TP53BP1: variants seen among roughly 807,000 people sequenced by gnomAD.
TP53BP1 encodes TP53-binding protein 1.
A neutral mutation model predicts 200.8 loss-of-function variants in TP53BP1; 61 were observed. The ratio of observed to expected loss-of-function variants is 0.30; its 90% CI spans 0.25 to 0.38. The LOEUF (loss-of-function observed/expected upper bound fraction) is 0.38. TP53BP1 is among the 10% of genes least tolerant of loss of function. The pLI is 1.00. For missense variants in TP53BP1, 2,144 were observed against 2,371.9 expected, an observed-to-expected ratio of 0.90 and a Z score of 2.00; for synonymous variants, 822 against 844.3, an observed-to-expected ratio of 0.97 and a Z score of 0.46.
intron 8 of TP53BP1, among the ~76,000 whole-genome samples, chr15:43,476,154 A>G (rs1261953793): frequency 6.6e-6 from 1 of 152,216 alleles, no homozygotes; most frequent in East Asian, 1.9e-4. Context: ...AATCCCAGCT[A>G]CTTGGAAGGC....
intron 1 of TP53BP1, among the ~76,000 whole-genome samples, chr15:43,510,125 C>T (rs904329487): frequency 8.2e-5 from 11 of 134,656 alleles, no homozygotes; most frequent in African/African-American, 3.2e-4. Context: ...CTGTCAACCC[C>T]TTCTTTGGTG....
At chr15:43,494,400 C>T (rs2079167006), upstream of TP53BP1, among the ~76,000 whole-genome samples, 1 of 152,158 alleles carries the variant, frequency 6.6e-6, no homozygotes. Flanking sequence ...AAATTCAAAG[C>T]ATGTTGTCTG....
At chr15:43,475,467 G>C in intron 9 of TP53BP1, 98 bp downstream of exon 9, 12 of 1,421,998 alleles carry the variant, frequency 8.4e-6, no homozygotes, top group Non-Finnish European at 1.1e-5. Flanking sequence ...GTTTCAAAAA[G>C]AATTCTAGAC....
intron 1 of TP53BP1, among the ~76,000 whole-genome samples, chr15:43,506,019 A>C (rs2079234256): frequency 6.6e-6 from 1 of 152,234 alleles, no homozygotes; most frequent in African/African-American, 2.4e-5. Flanking sequence ...AATCCAGCAG[A>C]GCAGGGCTGG....
intron 5 of TP53BP1, among the ~76,000 whole-genome samples, chr15:43,480,523 T>C (rs2140124020): frequency 6.6e-6 from 1 of 152,252 alleles, no homozygotes; most frequent in South Asian, 2.1e-4. Context: ...AAAGTAAAAA[T>C]ACTTCATACT....
intron 1 of TP53BP1, among the ~76,000 whole-genome samples, chr15:43,499,567 C>T (rs897532633): frequency 2.0e-5 from 3 of 152,188 alleles, no homozygotes; most frequent in African/African-American, 4.8e-5. Context: ...AGCTAGGTCT[C>T]AAAGGCTGAT....
intron 15 of TP53BP1, among the ~76,000 whole-genome samples, chr15:43,438,655 G>A (rs1179790293): frequency 2.3e-5 from 3 of 129,824 alleles, no homozygotes; most frequent in African/African-American, 6.0e-5. Context: ...ATAAAGATGC[G>A]ATCAGCAAAA....
intron 4 of TP53BP1, among the ~76,000 whole-genome samples, chr15:43,485,789 G>A (rs1233416857): frequency 6.7e-6 from 1 of 150,098 alleles, no homozygotes; most frequent in Non-Finnish European, 1.5e-5. Context: ...GTTGCAGTGA[G>A]CCAAGATGGT....
At chr15:43,418,159 G>A (rs186118834) in intron 21 of TP53BP1, among the ~76,000 whole-genome samples, 7 of 130,562 alleles carry the variant, frequency 5.4e-5, no homozygotes, top group Admixed American at 8.4e-5. Flanking sequence ...CAGCCTGGGC[G>A]ACAGAGCAAG....
chr15:43,448,955 T>C (rs28649346), intron 12 of TP53BP1, among the ~76,000 whole-genome samples: 69,656 of 151,728 alleles, frequency 0.46, 20,730 homozygotes, highest in African/African-American at 0.85. Flanking sequence ...AATGAAACCC[T>C]GTCTCCACTA....
intron 3 of TP53BP1, 93 bp downstream of exon 3, chr15:43,491,909 C>T (rs1466629489): frequency 8.6e-6 from 10 of 1,157,516 alleles, no homozygotes; most frequent in African/African-American, 1.5e-5. Flanking sequence ...TCCTTACATA[C>T]ATTCGACACA....
chr15:43,407,691 A>C (rs45608631), intron 27 of TP53BP1, 121 bp from the exon 28 acceptor site: 23,031 of 962,968 alleles, frequency 0.024, 353 homozygotes, highest in South Asian at 0.039. Context: ...CTATTATGTC[A>C]AACACACTGC....
chr15:43,404,294 G>C lies in TP53BP1; in HGVS notation c.*3089C>G. The C allele has an allele frequency of 8.0e-7, 1 of 1,250,590 alleles. No individual in the cohort carries two copies. Among genetic ancestry groups the C allele is most frequent in the Middle Eastern group, 2.6e-4 (1 of 3,870 alleles). 77.5% of individuals were successfully genotyped at this position (1,250,590 alleles called of 1,614,324 possible). Reference sequence around the variant, plus strand: ...TAGAAATAGGAATGTGGGAAGGCCAGGTGGTTCTGTAGAATTTTGAACAAG... The same window carrying C: ...TAGAAATAGGAATGTGGGAAGGCCACGTGGTTCTGTAGAATTTTGAACAAG... On this transcript the variant is annotated 3_prime_UTR_variant, in exon 28 of 28. Transcript: ENST00000382044.
intron 17 of TP53BP1, among the ~76,000 whole-genome samples, chr15:43,431,357 T>A (rs1171145309): frequency 6.6e-6 from 1 of 152,212 alleles, no homozygotes; most frequent in East Asian, 1.9e-4. Flanking sequence ...AATGAAATGT[T>A]GTGAACTTCT....
chr15:43,483,785 T>C (rs374580946), intron 4 of TP53BP1, among the ~76,000 whole-genome samples: 2 of 152,162 alleles, frequency 1.3e-5, no homozygotes, highest in South Asian at 4.1e-4. Flanking sequence ...AAAGAAGCAA[T>C]GAAGGACGAC....
At chr15:43,408,415 A>C (rs2142933637) in intron 26 of TP53BP1, 1 of 286,016 alleles carries the variant, frequency 3.5e-6, no homozygotes, top group African/African-American at 2.2e-5. Flanking sequence ...TGGGAGGTTG[A>C]GGCTGCAGTA....
At chr15:43,505,186 T>C (rs1041270069) in intron 1 of TP53BP1, among the ~76,000 whole-genome samples, 1 of 152,168 alleles carries the variant, frequency 6.6e-6, no homozygotes, top group Non-Finnish European at 1.5e-5. Flanking sequence ...GGGAATAATA[T>C]TTCTTCAACC....
At chr15:43,494,043 T>C (rs1460324248), upstream of TP53BP1, among the ~76,000 whole-genome samples, 1 of 152,150 alleles carries the variant, frequency 6.6e-6, no homozygotes, top group Non-Finnish European at 1.5e-5. Flanking sequence ...CGAGTCTTAA[T>C]GAACTAAGCC....
rs747643715 is a variant in TP53BP1 at position 43,446,397 on chromosome 15, G to A, written c.3030C>T (p.Phe1010=). ...TAACATAAAACTTACTTTCCAGGTT[G>A]AACTGCAAAGACTCTTCACTCGCCT... ...ETEASEESLQ[F]NLEKPATGER... Residue 1010 remains phenylalanine (F), a synonymous_variant, in exon 14 of 28, where the codon TTC becomes TTT. Coordinates refer to ENST00000382044, the MANE Select transcript of TP53BP1 (RefSeq NM_001141980.3). 1.9e-6 allele frequency: 3 copies of A among 1,613,636 alleles called. No individual in the cohort carries two copies. Among genetic ancestry groups the A allele is most frequent in the Non-Finnish European group, 2.5e-6 (3 of 1,179,634 alleles).
Sources: gnomAD v4.1 joint callset for allele counts (sites outside exome capture counted in the v4.1 genomes callset) on GRCh38, gnomAD v4.1.1 for gene constraint, MANE v1.5 for transcripts, NCBI Gene and HGNC (gene_info 2026-07-23, HGNC 2026-07-21) for gene names.